CAST: variants seen among roughly 807,000 people sequenced by gnomAD.
CAST encodes MIR583 host.
In CAST, 76 loss-of-function variants were observed where a neutral mutation model predicts 119.6. That is an observed-to-expected ratio of 0.64 (90% CI 0.53 to 0.77). The LOEUF is 0.77. CAST is among the 30% of genes least tolerant of loss of function. The probability of loss-of-function intolerance (pLI) is 0.00; values close to 1 mark genes in which losing one functional copy is unlikely to be tolerated. For synonymous variants in CAST, 319 were observed against 331.6 expected, an observed-to-expected ratio of 0.96 and a Z score of 0.41; for missense variants, 953 against 946.5, an observed-to-expected ratio of 1.01 and a Z score of -0.09.
intron 1 of CAST, among the ~76,000 whole-genome samples, chr5:96,619,654 C>T (rs1202373687): frequency 1.3e-5 from 2 of 152,178 alleles, no homozygotes; most frequent in Non-Finnish European, 1.5e-5. Context: ...CTCCTGAAGC[C>T]AGCGAGACCA....
chr5:96,400,149 C>T, the CAST span: 1 of 1,614,142 alleles, frequency 6.2e-7, no homozygotes, highest in Non-Finnish European at 8.5e-7. Flanking sequence ...GAGGTCCAGA[C>T]AACCAGGTGC....
chr5:95,991,497 G>GTTTTTTTTTTTTTTTT, the CAST span, among the ~76,000 whole-genome samples: 1 of 64,958 alleles, frequency 1.5e-5, no homozygotes, highest in African/African-American at 6.0e-5. Flanking sequence ...AACAAGTTTT[G>GTTTTTTTTTTTTTTTT]TTTTTTTTTT....
chr5:96,230,036 G>A, the CAST span, among the ~76,000 whole-genome samples: 3 of 152,240 alleles, frequency 2.0e-5, no homozygotes, highest in South Asian at 6.2e-4. Flanking sequence ...ACACTTTCTT[G>A]TGCTCAAACA....
the CAST span, among the ~76,000 whole-genome samples, chr5:96,229,870 T>C: frequency 6.6e-6 from 1 of 152,176 alleles, no homozygotes; most frequent in East Asian, 1.9e-4. Context: ...AAACCATCAA[T>C]AAATTCTTCT....
chr5:96,151,847 C>T, the CAST span, among the ~76,000 whole-genome samples: 2 of 152,164 alleles, frequency 1.3e-5, no homozygotes, highest in African/African-American at 4.8e-5. Context: ...GGAAAAAACC[C>T]CTTGGATAGA....
chr5:95,972,524 A>AT, the CAST span, among the ~76,000 whole-genome samples: 1 of 151,902 alleles, frequency 6.6e-6, no homozygotes, highest in Admixed American at 6.6e-5. Context: ...ATTAGTATAT[A>AT]TTTTTTGTTG....
chr5:96,571,705 G>A (rs1561419910), intron 1 of CAST, among the ~76,000 whole-genome samples: 1 of 152,072 alleles, frequency 6.6e-6, no homozygotes, highest in African/African-American at 2.4e-5. Context: ...TCTCTAGAGG[G>A]GGTTTTTGAC....
the CAST span, among the ~76,000 whole-genome samples, chr5:96,350,417 A>G: frequency 1.9e-4 from 29 of 152,148 alleles, no homozygotes; most frequent in African/African-American, 6.8e-4. Context: ...TCAGGTGAGC[A>G]GAGGGAGGAC....
At chr5:96,491,516 A>AAAAAAAAAAAAAT in the CAST span, among the ~76,000 whole-genome samples, 1 of 147,134 alleles carries the variant, frequency 6.8e-6, no homozygotes, top group Non-Finnish European at 1.5e-5. Flanking sequence ...AAAAAAAAAA[A>AAAAAAAAAAAAAT]AAAAAAAAAT....
chr5:96,661,862 G>GCACA (rs3048781), upstream of CAST, among the ~76,000 whole-genome samples: 8 of 151,078 alleles, frequency 5.3e-5, no homozygotes, highest in African/African-American at 1.2e-4. Flanking sequence ...GTGCACGCAC[G>GCACA]CACACACACA....
At chr5:96,371,883 A>G in the CAST span, among the ~76,000 whole-genome samples, 1 of 152,234 alleles carries the variant, frequency 6.6e-6, no homozygotes, top group Non-Finnish European at 1.5e-5. Context: ...CTAAAAGTAC[A>G]TTATATTCTA....
At chr5:96,634,265 C>T (rs558530059) in intron 1 of CAST, among the ~76,000 whole-genome samples, 133 of 152,290 alleles carry the variant, frequency 8.7e-4, no homozygotes, top group Admixed American at 1.4e-3. Context: ...TAGAGATCAA[C>T]AAGAGTGAAA....
chr5:96,629,134 A>G (rs1747775101), intron 1 of CAST, among the ~76,000 whole-genome samples: 1 of 152,206 alleles, frequency 6.6e-6, no homozygotes. Context: ...TAATTGGGTC[A>G]CAAGGGCAGA....
chr5:96,586,497 A>G (rs1467290214), intron 1 of CAST, among the ~76,000 whole-genome samples: 2 of 152,228 alleles, frequency 1.3e-5, no homozygotes, highest in Non-Finnish European at 2.9e-5. Context: ...GAGAAGCCAC[A>G]TTTCCTATCC....
At chr5:96,109,165 A>G in the CAST span, among the ~76,000 whole-genome samples, 1 of 152,184 alleles carries the variant, frequency 6.6e-6, no homozygotes, top group East Asian at 1.9e-4. Context: ...TCAGATGGAA[A>G]TGCAGAAATC....
At chr5:96,688,848 G>A (rs1402413900) in intron 2 of CAST, among the ~76,000 whole-genome samples, 1 of 152,142 alleles carries the variant, frequency 6.6e-6, no homozygotes, top group African/African-American at 2.4e-5. Context: ...TTTTACCAAT[G>A]ACCAGAAAAG....
chr5:96,621,763 G>C (rs78872265), intron 1 of CAST, among the ~76,000 whole-genome samples: 1,617 of 152,176 alleles, frequency 0.011, 26 homozygotes, highest in African/African-American at 0.037. Flanking sequence ...CATCACCCCT[G>C]ACATGAACCA....
At chr5:96,720,701 T>C (rs1758076037) in intron 3 of CAST, among the ~76,000 whole-genome samples, 1 of 152,242 alleles carries the variant, frequency 6.6e-6, no homozygotes, top group Non-Finnish European at 1.5e-5. Flanking sequence ...CTCTGAAAGT[T>C]TTCTCCTTTC....
chr5:96,075,120 G>A, the CAST span, among the ~76,000 whole-genome samples: 44 of 152,210 alleles, frequency 2.9e-4, 1 homozygote, highest in East Asian at 7.9e-3. Flanking sequence ...TCCTACTGCC[G>A]GAATTTGTTC....
Sources: allele counts gnomAD v4.1 joint callset (sites outside exome capture counted in the v4.1 genomes callset), GRCh38; gene constraint gnomAD v4.1.1; transcripts MANE v1.5; gene names NCBI Gene and HGNC (gene_info 2026-07-23, HGNC 2026-07-21).